The following PTRHD1 variants were observed in gnomAD, a reference collection of about 807,000 sequenced individuals.
PTRHD1 encodes putative peptidyl-tRNA hydrolase PTRHD1.
Under a neutral mutation model 13.6 loss-of-function variants are expected in PTRHD1, and 12 were observed. That is an observed-to-expected ratio of 0.88 (90% CI 0.57 to 1.43). The LOEUF is 1.43. Among genes scored for constraint, PTRHD1 ranks in the 40% most tolerant of loss-of-function variants. The pLI is 0.00. For missense variants in PTRHD1, 203 were observed against 184.7 expected, an observed-to-expected ratio of 1.10 and a Z score of -0.57; for synonymous variants, 86 against 79.5, an observed-to-expected ratio of 1.08 and a Z score of -0.43.
chr2:24,789,823 A>AGAGACAGTGTCCC lies in PTRHD1; in HGVS notation c.*587_*588insGGGACACTGTCTC, dbSNP rs1376557054. On this transcript the variant is annotated 3_prime_UTR_variant, in exon 2 of 2. Coordinates refer to ENST00000328379, the MANE Select transcript of PTRHD1 (RefSeq NM_001013663.2). ...ATTTTAACTTGTTATTAATCTTTAT[A>AGAGACAGTGTCCC]GAGACAGTGTCTCACTCTGTTGCCC... 1 of 152,586 alleles carries AGAGACAGTGTCCC rather than the reference A, an allele frequency of 6.6e-6. No homozygotes were observed. The highest frequency in any genetic ancestry group is 1.5e-5 in the Non-Finnish European group (1 of 68,334). 9.5% of individuals were successfully genotyped at this position (152,586 alleles called of 1,614,324 possible).
chr2:24,792,877 G>T, intron 1 of PTRHD1: 1 of 586,050 alleles, frequency 1.7e-6, no homozygotes. Flanking sequence ...TGCACAGGCG[G>T]AACAGCGGGG....
Position 24,790,294 on chromosome 2 carries a change from T to C in PTRHD1, c.*117A>G. ...ATTAATGACAACTTTAATATGAACA[T>C]GTGCTTAACCCTCAAGAAATTGTCA... On this transcript the variant is annotated 3_prime_UTR_variant, in exon 2 of 2. Transcript: ENST00000328379. The C allele has an allele frequency of 5.1e-6, 6 of 1,186,182 alleles. No homozygotes were observed. The highest frequency in any genetic ancestry group is 7.1e-6 in the Non-Finnish European group (6 of 845,286). The allele number at this position is 1,186,182 out of a possible 1,614,324, so 73.5% of individuals were successfully genotyped here. A position where few individuals can be genotyped will look rare whatever the true frequency, so the allele number is the denominator to read the frequency against.
chr2:24,790,425 G>A lies in PTRHD1; in HGVS notation c.409C>T (p.Arg137Ter), dbSNP rs774425032. The change falls in exon 2 of 2, where the codon CGA (arginine) becomes TGA (stop). Residue 137 changes from arginine to a stop codon, truncating the protein, a stop_gained. Coordinates refer to ENST00000328379, the MANE Select transcript of PTRHD1 (RefSeq NM_001013663.2). LOFTEE classifies it high-confidence loss of function. Reference protein sequence around the residue: ...EEVGQYLKKFRLFK With the variant: ...EEVGQYLKKF ...CAAAGCAGCAGTTACTTGAACAATC[G>A]GAACTTCTTCAAATACTGGCCCACT... The A allele has an allele frequency of 3.5e-5, 56 of 1,613,964 alleles. No homozygotes were observed. The highest frequency in any genetic ancestry group is 3.9e-5 in the Non-Finnish European group (46 of 1,179,934).
Position 24,789,766 on chromosome 2 carries a change from G to C in PTRHD1, c.*645C>G, listed in dbSNP as rs1210173730. The C allele has an allele frequency of 6.6e-6, 1 of 152,254 alleles. No individual in the cohort carries two copies. The highest frequency in any genetic ancestry group is 1.5e-5 in the Non-Finnish European group (1 of 68,088). The allele number at this position is 152,254 out of a possible 1,614,324, so 9.4% of individuals were successfully genotyped here. On this transcript the variant is annotated 3_prime_UTR_variant, in exon 2 of 2. Coordinates refer to ENST00000328379, the MANE Select transcript of PTRHD1 (RefSeq NM_001013663.2). ...AGATTTCATTGAATCTAATAAATCT[G>C]TATGTATGTACATATATATAGACAC...
chr2:24,791,053 T>C (rs1215508806), intron 1 of PTRHD1, among the ~76,000 whole-genome samples: 1 of 151,830 alleles, frequency 6.6e-6, no homozygotes, highest in African/African-American at 2.4e-5. Context: ...GCCTCCCGAG[T>C]AGCTGGGATT....
rs1335539475 is a variant in PTRHD1 at position 24,790,005 on chromosome 2, T to C, written c.*406A>G. 2 of 159,200 alleles carry C rather than the reference T, an allele frequency of 1.3e-5. No individual in the cohort carries two copies. Among genetic ancestry groups the C allele is most frequent in the Non-Finnish European group, 2.8e-5 (2 of 72,454 alleles). The allele number at this position is 159,200 out of a possible 1,614,324, so 9.9% of individuals were successfully genotyped here. On this transcript the variant is annotated 3_prime_UTR_variant, in exon 2 of 2. Transcript: ENST00000328379. ...CATCTTTGTTATTGAAATACAAGTG[T>C]TTAATTTGCCGGCATATTTTTTAAC...
intron 1 of PTRHD1, 34 bp downstream of exon 1, chr2:24,793,092 T>A: frequency 1.1e-5 from 18 of 1,598,294 alleles, no homozygotes; most frequent in Non-Finnish European, 1.5e-5. Flanking sequence ...GCCCTCGATG[T>A]CTCAGCACCT....
rs1489353996 is a variant in PTRHD1, at chr2:24,789,764, CTG to C, written c.*645_*646del. 1 of 152,236 alleles carries C rather than the reference CTG, an allele frequency of 6.6e-6. No homozygotes were observed. The highest frequency in any genetic ancestry group is 2.4e-5 in the African/African-American group (1 of 41,452). The allele number at this position is 152,236 out of a possible 1,614,324, so 9.4% of individuals were successfully genotyped here. A position where few individuals can be genotyped will look rare whatever the true frequency, so the allele number is the denominator to read the frequency against. On this transcript the variant is annotated 3_prime_UTR_variant, in exon 2 of 2. Transcript: ENST00000328379. ...ACAGATTTCATTGAATCTAATAAAT[CTG>C]TATGTATGTACATATATATAGACAC...
chr2:24,792,538 G>A (rs1197866512), intron 1 of PTRHD1: 1 of 153,492 alleles, frequency 6.5e-6, no homozygotes, highest in East Asian at 1.9e-4. Context: ...GAATATCCTT[G>A]TGCAAAGCTC....
chr2:24,790,534 C>G lies in PTRHD1; in HGVS notation c.300G>C (p.Gln100His). The G allele has an allele frequency of 6.2e-7, 1 of 1,614,190 alleles. No homozygotes were observed. The highest frequency in any genetic ancestry group is 8.5e-7 in the Non-Finnish European group (1 of 1,180,040). The change falls in exon 2 of 2, where the codon CAG (glutamine) becomes CAC (histidine). Residue 100 changes from glutamine (Q) to histidine (H), a missense_variant. Coordinates refer to ENST00000328379, the MANE Select transcript of PTRHD1 (RefSeq NM_001013663.2). ...GCCACAGCATGTGGTCAATGTTCTT[C>G]TGTTGCAGGGTCTCGGCCAGCTCCT... ...TLKELAETLQQKNIDHMLWLE... is the reference protein window; with the variant it reads ...TLKELAETLQHKNIDHMLWLE...
At position 24,790,314 on chromosome 2, in the gene PTRHD1, T is replaced by C. The variant is rs745843694; in HGVS notation, c.*97A>G. ...GAACATGTGCTTAACCCTCAAGAAA[T>C]TGTCACAACTGAAAGACGGGAGCAA... On this transcript the variant is annotated 3_prime_UTR_variant, in exon 2 of 2. Coordinates refer to ENST00000328379, the MANE Select transcript of PTRHD1 (RefSeq NM_001013663.2). 3.4e-5 allele frequency: 47 copies of C among 1,390,124 alleles called. No individual in the cohort carries two copies. The highest frequency in any genetic ancestry group is 4.3e-5 in the Admixed American group (2 of 46,976). 86.1% of individuals were successfully genotyped at this position (1,390,124 alleles called of 1,614,324 possible). A position where few individuals can be genotyped will look rare whatever the true frequency, so the allele number is the denominator to read the frequency against.
intron 1 of PTRHD1, 112 bp downstream of exon 1, chr2:24,793,014 T>A: frequency 7.9e-7 from 1 of 1,271,690 alleles, no homozygotes; most frequent in Non-Finnish European, 1.1e-6. Flanking sequence ...ATGTTAACGA[T>A]CACCCCAACT....
rs1481176132 is a variant in PTRHD1 at position 24,790,515 on chromosome 2, G to C, written c.319C>G (p.Leu107Val). 6.2e-7 allele frequency: 1 copy of C among 1,614,106 alleles called. No homozygotes were observed. Among genetic ancestry groups the C allele is most frequent in the Non-Finnish European group, 8.5e-7 (1 of 1,180,052 alleles). Reference sequence around the variant, plus strand: ...ATATTCTCTGGTTGCTCAAGCCACAGCATGTGGTCAATGTTCTTCTGTTGC... The same window carrying C: ...ATATTCTCTGGTTGCTCAAGCCACACCATGTGGTCAATGTTCTTCTGTTGC... Reference protein sequence around the residue: ...TLQQKNIDHMLWLEQPENIAT... With the variant: ...TLQQKNIDHMVWLEQPENIAT... Residue 107 changes from leucine (L) to valine (V), a missense_variant, in exon 2 of 2, where the codon CTG becomes GTG. Physicochemically the swap from Leu to Val is conservative, Grantham distance 32. Transcript: ENST00000328379.
chr2:24,793,017 C>A, intron 1 of PTRHD1, 109 bp downstream of exon 1: 1 of 1,321,852 alleles, frequency 7.6e-7, no homozygotes, highest in Non-Finnish European at 1.0e-6. Context: ...TTAACGATCA[C>A]CCCAACTCCC....
chr2:24,793,122 T>C lies in PTRHD1; in HGVS notation c.252+4A>G. The C allele has an allele frequency of 6.2e-7, 1 of 1,609,826 alleles. No individual in the cohort carries two copies. The highest frequency in any genetic ancestry group is 8.5e-7 in the Non-Finnish European group (1 of 1,177,656). The stretch of plus-strand genomic sequence containing the variant: ...GCACCTCCCCCTCCGCCCGAGTGCC[T>C]CACCTCGAGGACCACTTTGCGCATG... On this transcript the variant is annotated splice_donor_region_variant and intron_variant, in intron 1 of 1. Coordinates refer to ENST00000328379, the MANE Select transcript of PTRHD1 (RefSeq NM_001013663.2).
Position 24,790,323 on chromosome 2 carries a change from C to A in PTRHD1, c.*88G>T. ...CTTAACCCTCAAGAAATTGTCACAA[C>A]TGAAAGACGGGAGCAAGCTGACACT... On this transcript the variant is annotated 3_prime_UTR_variant, in exon 2 of 2. Coordinates refer to ENST00000328379, the MANE Select transcript of PTRHD1 (RefSeq NM_001013663.2). 6.8e-7 allele frequency: 1 copy of A among 1,464,416 alleles called. No homozygotes were observed. The highest frequency in any genetic ancestry group is 1.3e-5 in the South Asian group (1 of 75,784). 90.7% of individuals were successfully genotyped at this position (1,464,416 alleles called of 1,614,324 possible).
chr2:24,792,560 C>T (rs1665658276), intron 1 of PTRHD1: 1 of 154,002 alleles, frequency 6.5e-6, no homozygotes, highest in African/African-American at 2.4e-5. Context: ...TTGGGTGCAT[C>T]TGATTATTTT....
At chr2:24,790,937 CTTTT>C (rs1400995135) in intron 1 of PTRHD1, among the ~76,000 whole-genome samples, 1 of 87,774 alleles carries the variant, frequency 1.1e-5, no homozygotes, top group Admixed American at 1.1e-4. Flanking sequence ...TTTTTTTTTT[CTTTT>C]GAGACAGAGT....
At position 24,793,309 on chromosome 2, in the gene PTRHD1, C is replaced by G. The variant is rs374867003; in HGVS notation, c.69G>C (p.Gln23His). Residue 23 changes from glutamine (Q) to histidine (H), a missense_variant, in exon 1 of 2, where the codon CAG becomes CAC. By Grantham distance (24) the Gln-to-His change is conservative. Coordinates refer to ENST00000328379, the MANE Select transcript of PTRHD1 (RefSeq NM_001013663.2). Reference sequence around the variant, plus strand: ...GTAACACCAAGTATTGTACCAGGACCTGCGGCTCCGCCCCAGAGGCCGCCA... The same window carrying G: ...GTAACACCAAGTATTGTACCAGGACGTGCGGCTCCGCCCCAGAGGCCGCCA... ...RKMAASGAEP[Q>H]VLVQYLVLRK... 2 of 1,613,904 alleles carry G rather than the reference C, an allele frequency of 1.2e-6. No individual in the cohort carries two copies. Among genetic ancestry groups the G allele is most frequent in the Non-Finnish European group, 8.5e-7 (1 of 1,180,044 alleles).
Sources: allele counts gnomAD v4.1 joint callset (sites outside exome capture counted in the v4.1 genomes callset), GRCh38; gene constraint gnomAD v4.1.1; transcripts MANE v1.5; gene names NCBI Gene and HGNC (gene_info 2026-07-23, HGNC 2026-07-21).